LRRC8C: variants seen among roughly 807,000 people sequenced by gnomAD.
LRRC8C encodes leucine rich repeat containing 8 VRAC subunit C.
LRRC8C carries 20 observed loss-of-function variants against 55.3 expected under a neutral mutation model. That is an observed-to-expected ratio of 0.36 (90% CI 0.25 to 0.53). The LOEUF (loss-of-function observed/expected upper bound fraction) is 0.53. Among genes scored for constraint, LRRC8C ranks in the 20% least tolerant of loss-of-function variants. The pLI is 0.92. For missense variants in LRRC8C, 659 were observed against 951.4 expected (o/e 0.69, Z 4.04); for synonymous variants, 376 against 360.7 (o/e 1.04, Z -0.48).
intron 1 of LRRC8C, among the ~76,000 whole-genome samples, chr1:89,636,804 C>G (rs1369762498): frequency 1.3e-5 from 2 of 152,120 alleles, no homozygotes; most frequent in African/African-American, 4.8e-5. Flanking sequence ...GCACAGCACC[C>G]GGCCCACTCC....
At chr1:89,654,863 C>T (rs1270975162) in intron 1 of LRRC8C, among the ~76,000 whole-genome samples, 8 of 132,630 alleles carry the variant, frequency 6.0e-5, no homozygotes, top group African/African-American at 2.2e-4. Flanking sequence ...TGTGCTAGCA[C>T]TTTAGTAAGC....
At chr1:89,624,900 T>C in the LRRC8C span, 1 of 152,326 alleles carries the variant, frequency 6.6e-6, no homozygotes, top group East Asian at 1.9e-4. Context: ...CCTAAGCATA[T>C]TAATACGCAT....
chr1:89,620,320 C>T, the LRRC8C span, among the ~76,000 whole-genome samples: 91 of 152,172 alleles, frequency 6.0e-4, no homozygotes, highest in Admixed American at 5.4e-3. Context: ...GGGACACAAA[C>T]ATTCAAACCA....
chr1:89,656,821 A>AT (rs576518038), intron 1 of LRRC8C, among the ~76,000 whole-genome samples: 6 of 152,136 alleles, frequency 3.9e-5, no homozygotes, highest in South Asian at 2.1e-4. Flanking sequence ...AAGCCTAGCT[A>AT]TTTTTTTTAT....
At chr1:89,648,797 A>G (rs1656683605) in intron 1 of LRRC8C, among the ~76,000 whole-genome samples, 1 of 152,164 alleles carries the variant, frequency 6.6e-6, no homozygotes, top group South Asian at 2.1e-4. Context: ...GTCACAATAG[A>G]TTTGCCTATT....
chr1:89,668,673 C>G (rs1235114882), intron 1 of LRRC8C, among the ~76,000 whole-genome samples: 1 of 152,122 alleles, frequency 6.6e-6, no homozygotes, highest in Non-Finnish European at 1.5e-5. Context: ...AATCTGAAAG[C>G]CCTGAGGTGG....
intron 1 of LRRC8C, among the ~76,000 whole-genome samples, chr1:89,657,028 C>T (rs1162165139): frequency 6.6e-6 from 1 of 152,196 alleles, no homozygotes; most frequent in Admixed American, 6.5e-5. Flanking sequence ...AAACCTACGT[C>T]TTTCTGGCTA....
chr1:89,718,079 T>C lies in LRRC8C; in HGVS notation c.*3097T>C, dbSNP rs757700672. The C allele has an allele frequency of 5.3e-5, 8 of 152,198 alleles. No individual in the cohort carries two copies. Among genetic ancestry groups the C allele is most frequent in the Non-Finnish European group, 1.2e-4 (8 of 68,024 alleles). The allele number at this position is 152,198 out of a possible 1,614,324, so 9.4% of individuals were successfully genotyped here. A position where few individuals can be genotyped will look rare whatever the true frequency, so the allele number is the denominator to read the frequency against. On this transcript the variant is annotated 3_prime_UTR_variant, in exon 3 of 3. Transcript: ENST00000370454. ...ACCACACCTCAGAAATTATTGCATT[T>C]TCTCATTATGTGTTGGGTTTGATTT...
intron 2 of LRRC8C, among the ~76,000 whole-genome samples, chr1:89,692,076 T>G (rs940645782): frequency 2.0e-5 from 3 of 152,222 alleles, no homozygotes; most frequent in African/African-American, 7.2e-5. Context: ...AAGCTCTTAT[T>G]TTAGCTCTGC....
rs900862674 is a variant in LRRC8C, at chr1:89,717,068, A to G, written c.*2086A>G. The G allele has an allele frequency of 4.6e-5, 7 of 152,176 alleles. No individual in the cohort carries two copies. Among genetic ancestry groups the G allele is most frequent in the Non-Finnish European group, 1.0e-4 (7 of 68,024 alleles). The allele number at this position is 152,176 out of a possible 1,614,324, so 9.4% of individuals were successfully genotyped here. A position where few individuals can be genotyped will look rare whatever the true frequency, so the allele number is the denominator to read the frequency against. Reference sequence around the variant, plus strand: ...ATAATAACATGGTTATAGTTCTTGTATGATAAAGTATTCAATTTCAGAATA... The same window carrying G: ...ATAATAACATGGTTATAGTTCTTGTGTGATAAAGTATTCAATTTCAGAATA... On this transcript the variant is annotated 3_prime_UTR_variant, in exon 3 of 3. Coordinates refer to ENST00000370454, the MANE Select transcript of LRRC8C (RefSeq NM_032270.5).
the LRRC8C span, among the ~76,000 whole-genome samples, chr1:89,621,778 T>C: frequency 1.3e-5 from 2 of 152,248 alleles, no homozygotes; most frequent in Non-Finnish European, 2.9e-5. Flanking sequence ...ACTCAACATC[T>C]CTTGGTATTT....
chr1:89,616,081 A>G, the LRRC8C span, among the ~76,000 whole-genome samples: 2 of 152,084 alleles, frequency 1.3e-5, no homozygotes, highest in African/African-American at 4.8e-5. Context: ...GCCAAGTGAG[A>G]CCATGGAGAT....
intron 1 of LRRC8C, among the ~76,000 whole-genome samples, chr1:89,680,028 C>G (rs1400710326): frequency 1.3e-5 from 2 of 151,662 alleles, no homozygotes; most frequent in African/African-American, 4.8e-5. Context: ...TTAGGAAGAG[C>G]CATATAAATA....
intron 2 of LRRC8C, among the ~76,000 whole-genome samples, chr1:89,706,969 C>T (rs1325885615): frequency 6.6e-6 from 1 of 152,106 alleles, no homozygotes; most frequent in African/African-American, 2.4e-5. Context: ...ATTATTGCAA[C>T]CCTTGGGTTT....
At chr1:89,680,732 T>C (rs1174918513) in intron 1 of LRRC8C, among the ~76,000 whole-genome samples, 1 of 151,942 alleles carries the variant, frequency 6.6e-6, no homozygotes, top group East Asian at 1.9e-4. Context: ...GGCTAAGTTT[T>C]GTATTTTTAG....
intron 2 of LRRC8C, among the ~76,000 whole-genome samples, chr1:89,701,808 C>T (rs1487918955): frequency 1.3e-5 from 2 of 152,148 alleles, no homozygotes; most frequent in African/African-American, 4.8e-5. Context: ...CATACACAGA[C>T]CCCAAAGCAA....
At chr1:89,653,698 A>G (rs2101199898) in intron 1 of LRRC8C, among the ~76,000 whole-genome samples, 1 of 152,354 alleles carries the variant, frequency 6.6e-6, no homozygotes, top group Non-Finnish European at 1.5e-5. Flanking sequence ...GGTTTTGCTA[A>G]CAGAATAGAC....
chr1:89,659,049 T>TTTTTTTG lies in LRRC8C; in HGVS notation c.-5+25733_-5+25734insGTTTTTT, dbSNP rs149555208. Among the ~76,000 whole-genome samples, 99 of 17,992 alleles carry TTTTTTTG rather than the reference T, an allele frequency of 5.5e-3. 8 individuals carry two copies. The highest frequency in any genetic ancestry group is 0.034 in the East Asian group (10 of 298). 11.8% of individuals were successfully genotyped at this position (17,992 alleles called of 152,430 possible). Reference sequence around the variant, plus strand: ...AATTTTAGGTTGTGTCTTCTCCAGGTTTTTTTTTTTTTTGTGTGTGTGTGT... The same window carrying TTTTTTTG: ...AATTTTAGGTTGTGTCTTCTCCAGGTTTTTTTGTTTTTTTTTTTTTGTGTGTGTGTGT... On this transcript the variant is annotated intron_variant, in intron 1 of 2. Transcript: ENST00000370454.
intron 1 of LRRC8C, among the ~76,000 whole-genome samples, chr1:89,679,108 T>A (rs1423425745): frequency 4.6e-5 from 7 of 151,974 alleles, no homozygotes; most frequent in African/African-American, 1.5e-4. Context: ...AGAGTAAGCA[T>A]TGGGATGTTC....
Sources: gnomAD v4.1 joint callset for allele counts (sites outside exome capture counted in the v4.1 genomes callset) on GRCh38, gnomAD v4.1.1 for gene constraint, MANE v1.5 for transcripts, NCBI Gene and HGNC (gene_info 2026-07-23, HGNC 2026-07-21) for gene names.